The following SYNE2 variants were observed in gnomAD, a reference collection of about 807,000 sequenced individuals.
SYNE2 encodes the protein nesprin-2.
Under a neutral mutation model 856.3 loss-of-function variants are expected in SYNE2, and 431 were observed. The ratio of observed to expected loss-of-function variants is 0.50; its 90% CI spans 0.47 to 0.55. The LOEUF (loss-of-function observed/expected upper bound fraction) is 0.55. Among genes scored for constraint, SYNE2 ranks in the 20% least tolerant of loss-of-function variants. The pLI is 0.00. For synonymous variants in SYNE2, 2,923 were observed against 2,872.3 expected (o/e 1.02, Z -0.56); for missense variants, 8,129 against 8,023.2 (o/e 1.01, Z -0.50).
intron 1 of SYNE2, among the ~76,000 whole-genome samples, chr14:63,878,911 C>T (rs2094792567): frequency 6.6e-6 from 1 of 152,194 alleles, no homozygotes; most frequent in African/African-American, 2.4e-5. Context: ...AAATATCTGT[C>T]TGAAGCCATT....
intron 57 of SYNE2, among the ~76,000 whole-genome samples, chr14:64,085,413 A>AG (rs2097553816): frequency 6.6e-6 from 1 of 152,224 alleles, no homozygotes; most frequent in Non-Finnish European, 1.5e-5. Flanking sequence ...ACCAGGAGGT[A>AG]GGGGTCATTC....
intron 6 of SYNE2, among the ~76,000 whole-genome samples, chr14:63,947,694 G>A (rs1460588653): frequency 6.6e-6 from 1 of 152,074 alleles, no homozygotes; most frequent in Non-Finnish European, 1.5e-5. Flanking sequence ...AAAATTAGCC[G>A]GGCATGGTGG....
At chr14:63,911,317 C>G (rs111982002) in intron 2 of SYNE2, among the ~76,000 whole-genome samples, 48 of 152,312 alleles carry the variant, frequency 3.2e-4, no homozygotes, top group African/African-American at 1.1e-3. Flanking sequence ...TCTGCTCTCT[C>G]TTAGGCTGAG....
chr14:63,825,734 G>A (rs1166560249), intron 1 of SYNE2, among the ~76,000 whole-genome samples: 1 of 152,070 alleles, frequency 6.6e-6, no homozygotes, highest in Non-Finnish European at 1.5e-5. Flanking sequence ...AATTAGCTGG[G>A]AATGGTGGCG....
chr14:64,124,192 C>T (rs1023284856), intron 70 of SYNE2, among the ~76,000 whole-genome samples: 2 of 151,690 alleles, frequency 1.3e-5, no homozygotes, highest in Non-Finnish European at 2.9e-5. Flanking sequence ...GTGACAACAG[C>T]GAGACTCCGT....
At chr14:63,918,902 C>T (rs1159318088) in intron 2 of SYNE2, among the ~76,000 whole-genome samples, 1 of 152,188 alleles carries the variant, frequency 6.6e-6, no homozygotes, top group African/African-American at 2.4e-5. Flanking sequence ...GCCTTTTCTT[C>T]AGTTAAATAG....
At chr14:63,818,799 C>T (rs547007402) in intron 1 of SYNE2, among the ~76,000 whole-genome samples, 25 of 150,212 alleles carry the variant, frequency 1.7e-4, no homozygotes, top group African/African-American at 3.7e-4. Flanking sequence ...CCCAGGTTCA[C>T]GCCATTCTCC....
At chr14:63,883,969 C>T (rs1210304900) in intron 1 of SYNE2, among the ~76,000 whole-genome samples, 2 of 142,196 alleles carry the variant, frequency 1.4e-5, no homozygotes, top group African/African-American at 5.2e-5. Context: ...TTTTTTTGTT[C>T]AGAGTCATTG....
At chr14:64,178,734 G>A (rs1405104704) in intron 96 of SYNE2, among the ~76,000 whole-genome samples, 6 of 152,166 alleles carry the variant, frequency 3.9e-5, no homozygotes, top group Middle Eastern at 3.4e-3. Context: ...GACAGCAGGC[G>A]CCCAGCCTGC....
chr14:64,075,371 A>G (rs1359317039), intron 53 of SYNE2, among the ~76,000 whole-genome samples: 1 of 152,178 alleles, frequency 6.6e-6, no homozygotes, highest in African/African-American at 2.4e-5. Flanking sequence ...CCAATAGACT[A>G]TTTGTTCAGG....
At chr14:64,017,802 C>T (rs917047237) in intron 34 of SYNE2, 46 bp downstream of exon 34, 21 of 1,590,356 alleles carry the variant, frequency 1.3e-5, no homozygotes, top group Non-Finnish European at 1.7e-5. Flanking sequence ...ACACAATTGA[C>T]ATTTTTTATT....
At chr14:64,100,556 ATATATATATATATATT>A (rs2097719413) in intron 63 of SYNE2, among the ~76,000 whole-genome samples, 1 of 124,902 alleles carries the variant, frequency 8.0e-6, no homozygotes, top group African/African-American at 3.1e-5. Context: ...ATATATATAT[ATATATATATATATATT>A]TATGACATGT....
At position 64,163,640 on chromosome 14, in the gene SYNE2, C is replaced by G; in HGVS notation, c.16479+59C>G. 9 of 1,595,148 alleles carry G rather than the reference C, an allele frequency of 5.6e-6. No individual in the cohort carries two copies. The South Asian group carries it at 1.0e-4, about 18-fold the overall frequency. On this transcript the variant is annotated intron_variant, in intron 89 of 115. Transcript: ENST00000555002. ...TAGACATTTGCATTCCATCCTCAAT[C>G]CCTTGTATCCTTTGAAGCAGTAGTG...
chr14:63,916,965 C>T (rs938937372), intron 2 of SYNE2, among the ~76,000 whole-genome samples: 1 of 152,036 alleles, frequency 6.6e-6, no homozygotes, highest in Admixed American at 6.6e-5. Context: ...CAACATTCCC[C>T]TGTACGTCCA....
intron 96 of SYNE2, among the ~76,000 whole-genome samples, chr14:64,183,742 C>G (rs189712773): frequency 1.3e-5 from 2 of 152,098 alleles, no homozygotes; most frequent in African/African-American, 4.8e-5. Flanking sequence ...AGCGAAACTC[C>G]GTCTCCACCA....
At chr14:63,878,470 T>C (rs944609318) in intron 1 of SYNE2, among the ~76,000 whole-genome samples, 18 of 152,358 alleles carry the variant, frequency 1.2e-4, no homozygotes, top group Middle Eastern at 6.8e-3. Flanking sequence ...AATCATTTGC[T>C]GACAGGCATT....
intron 95 of SYNE2, among the ~76,000 whole-genome samples, chr14:64,176,695 T>G (rs2098436783): frequency 6.6e-6 from 1 of 152,174 alleles, no homozygotes; most frequent in African/African-American, 2.4e-5. Context: ...CAGTAGCCTT[T>G]TAGGTGTGAA....
At position 64,225,046 on chromosome 14, in the gene SYNE2, G is replaced by T; in HGVS notation, c.20516+1G>T. ...AAGGCGAGGAGGAGACAGAGAGCAG[G>T]TAACGGGGCTTTACCGTGACAGCAG... On this transcript the variant is annotated splice_donor_variant, in intron 115 of 115. Coordinates refer to ENST00000555002, the MANE Select transcript of SYNE2 (RefSeq NM_182914.3). LOFTEE classifies it high-confidence loss of function. 6.2e-7 allele frequency: 1 copy of T among 1,613,966 alleles called. No individual in the cohort carries two copies. Among genetic ancestry groups the T allele is most frequent in the Non-Finnish European group, 8.5e-7 (1 of 1,179,932 alleles).
rs755082139 is a variant in SYNE2, at chr14:64,078,488, G to A, written c.11045G>A (p.Ser3682Asn). 3.7e-6 allele frequency: 6 copies of A among 1,614,066 alleles called. No individual in the cohort carries two copies. The Admixed American group carries it at 1.0e-4, about 27-fold the overall frequency. Residue 3682 changes from serine to asparagine, a missense_variant, in exon 55 of 116, where the codon AGC becomes AAC. By Grantham distance (46) the Ser-to-Asn change is conservative. Around this residue, in one of 3 missense-constraint regions of SYNE2, gnomAD observed 5,410 missense variants for 5,284.8 expected, o/e 1.02. Coordinates refer to ENST00000555002, the MANE Select transcript of SYNE2 (RefSeq NM_182914.3). ...DEKISNEVLK[S>N]SPSYAMRRKI... ...CAGATTAGCAATGAAGTCTTAAAAA[G>A]CTCACCATCATATGCAATGAGGAGA...
Sources: gnomAD v4.1 joint callset for allele counts (sites outside exome capture counted in the v4.1 genomes callset) on GRCh38, gnomAD v4.1.1 for gene constraint, gnomAD v4.1.1 regional missense constraint, MANE v1.5 for transcripts, NCBI Gene and HGNC (gene_info 2026-07-23, HGNC 2026-07-21) for gene names.